Variants in SUGCT observed in about 807,000 individuals in gnomAD.
SUGCT encodes succinyl-CoA:glutarate-CoA transferase.
In SUGCT, 41 loss-of-function variants were observed where a neutral mutation model predicts 55.0. The ratio of observed to expected loss-of-function variants is 0.74; its 90% CI spans 0.58 to 0.97. The LOEUF (loss-of-function observed/expected upper bound fraction) is 0.97. Among genes scored for constraint, SUGCT ranks in the 50% least tolerant of loss-of-function variants. The pLI is 0.00. For missense variants in SUGCT, 568 were observed against 547.8 expected (o/e 1.04, Z -0.37); for synonymous variants, 187 against 200.4 (o/e 0.93, Z 0.56).
intron 12 of SUGCT, among the ~76,000 whole-genome samples, chr7:40,553,104 G>T (rs1345818717): frequency 6.6e-6 from 1 of 152,132 alleles, no homozygotes; most frequent in Non-Finnish European, 1.5e-5. Context: ...TATTTGGGCA[G>T]GTAATAATTA....
intron 9 of SUGCT, among the ~76,000 whole-genome samples, chr7:40,382,198 G>T (rs1278704311): frequency 2.0e-5 from 3 of 152,074 alleles, no homozygotes; most frequent in Non-Finnish European, 4.4e-5. Context: ...TTATGGGCAT[G>T]TGGCTTTTCT....
At chr7:40,215,161 G>A (rs1024314699) in intron 6 of SUGCT, among the ~76,000 whole-genome samples, 9 of 151,506 alleles carry the variant, frequency 5.9e-5, no homozygotes, top group African/African-American at 2.2e-4. Context: ...TTGTTTGTTT[G>A]AGACAAAGTC....
chr7:40,538,228 A>T (rs1794475498), intron 12 of SUGCT: 1 of 152,180 alleles, frequency 6.6e-6, no homozygotes, highest in African/African-American at 2.4e-5. Flanking sequence ...TCATCACTAC[A>T]GTAAAGGTAA....
chr7:40,832,404 A>G (rs1792721714), intron 13 of SUGCT, among the ~76,000 whole-genome samples: 1 of 152,116 alleles, frequency 6.6e-6, no homozygotes, highest in Non-Finnish European at 1.5e-5. Flanking sequence ...TAGTATTAAT[A>G]TTATACCAAG....
At chr7:40,662,549 T>C (rs1801384604) in intron 12 of SUGCT, among the ~76,000 whole-genome samples, 1 of 152,218 alleles carries the variant, frequency 6.6e-6, no homozygotes, top group African/African-American at 2.4e-5. Flanking sequence ...TTTTGGGACC[T>C]TGAACCTGCC....
chr7:40,698,254 C>T (rs1449652075), intron 12 of SUGCT, among the ~76,000 whole-genome samples: 3 of 152,204 alleles, frequency 2.0e-5, no homozygotes, highest in Non-Finnish European at 1.5e-5. Flanking sequence ...TCTCAGGTGG[C>T]CTCAATCCAG....
intron 5 of SUGCT, among the ~76,000 whole-genome samples, chr7:40,191,571 G>A (rs6954605): frequency 9.4e-4 from 143 of 152,108 alleles, no homozygotes; most frequent in African/African-American, 3.1e-3. Context: ...GCATAACTTA[G>A]GTTTGTTTCT....
chr7:40,149,959 G>A (rs1282772698), intron 1 of SUGCT, among the ~76,000 whole-genome samples: 1 of 152,072 alleles, frequency 6.6e-6, no homozygotes, highest in African/African-American at 2.4e-5. Context: ...AGGGTGTGCT[G>A]GTGTGTCCCT....
rs1252155153 is a variant in SUGCT at position 40,245,404 on chromosome 7, C to CACATATATATATATATATATAT, written c.576+7679_576+7680insCATATATATATATATATATATA. Among the ~76,000 whole-genome samples, 70 of 53,302 alleles carry CACATATATATATATATATATAT rather than the reference C, an allele frequency of 1.3e-3. 1 individual carries two copies. The highest frequency in any genetic ancestry group is 6.3e-3 in the African/African-American group (68 of 10,792). The allele number at this position is 53,302 out of a possible 152,430, so 35.0% of individuals were successfully genotyped here. ...TAAATTTTTATAGGTACGTAGTAGA[C>CACATATATATATATATATATAT]ATATATATATATATATATATTTTTT... On this transcript the variant is annotated intron_variant, in intron 7 of 13. Coordinates refer to ENST00000335693, the MANE Select transcript of SUGCT (RefSeq NM_001193313.2).
intron 9 of SUGCT, among the ~76,000 whole-genome samples, chr7:40,384,733 C>T (rs144246331): frequency 0.058 from 7,339 of 125,460 alleles, 274 homozygotes; most frequent in Middle Eastern, 0.087. Context: ...TTGGTAGAGA[C>T]GGGGTTTCAG....
At chr7:40,403,989 T>G (rs1583606785) in intron 9 of SUGCT, among the ~76,000 whole-genome samples, 1 of 152,322 alleles carries the variant, frequency 6.6e-6, no homozygotes, top group Non-Finnish European at 1.5e-5. Flanking sequence ...CTTTGGTGGG[T>G]TTCCTTTTCC....
At chr7:40,881,581 T>C in the SUGCT span, among the ~76,000 whole-genome samples, 1 of 152,248 alleles carries the variant, frequency 6.6e-6, no homozygotes, top group African/African-American at 2.4e-5. Flanking sequence ...TGGCCCCATA[T>C]CCTGATATAA....
At chr7:40,971,983 T>G in the SUGCT span, among the ~76,000 whole-genome samples, 1 of 152,200 alleles carries the variant, frequency 6.6e-6, no homozygotes, top group African/African-American at 2.4e-5. Context: ...TAAATAAAAC[T>G]CATTTATTAG....
At chr7:40,413,464 A>C (rs559226064) in intron 9 of SUGCT, among the ~76,000 whole-genome samples, 1 of 152,320 alleles carries the variant, frequency 6.6e-6, no homozygotes, top group Non-Finnish European at 1.5e-5. Context: ...TAAATGTTAA[A>C]AAAATCAAAC....
intron 12 of SUGCT, among the ~76,000 whole-genome samples, chr7:40,729,970 A>T (rs1049313083): frequency 6.6e-6 from 1 of 152,200 alleles, no homozygotes; most frequent in Non-Finnish European, 1.5e-5. Flanking sequence ...ATTATAAAAC[A>T]CTGTGCAAGC....
At chr7:40,789,233 G>T (rs1272036489) in intron 13 of SUGCT, among the ~76,000 whole-genome samples, 1 of 152,100 alleles carries the variant, frequency 6.6e-6, no homozygotes, top group Non-Finnish European at 1.5e-5. Flanking sequence ...TTGCATAATT[G>T]AAACTTTATG....
intron 12 of SUGCT, among the ~76,000 whole-genome samples, chr7:40,581,069 A>C (rs945905772): frequency 1.3e-5 from 2 of 152,240 alleles, no homozygotes; most frequent in African/African-American, 4.8e-5. Flanking sequence ...ATTTTACTTC[A>C]TTAAGCAGTA....
chr7:40,286,876 G>A (rs1169810190), intron 8 of SUGCT, among the ~76,000 whole-genome samples: 1 of 152,096 alleles, frequency 6.6e-6, no homozygotes, highest in African/African-American at 2.4e-5. Context: ...AGGACATTGG[G>A]CCAAGCCTGT....
chr7:40,404,379 C>G (rs1786245562), intron 9 of SUGCT, among the ~76,000 whole-genome samples: 1 of 151,704 alleles, frequency 6.6e-6, no homozygotes, highest in African/African-American at 2.4e-5. Flanking sequence ...ATGACATTCT[C>G]TAGTCTTTAT....
Sources: gnomAD v4.1 joint callset for allele counts (sites outside exome capture counted in the v4.1 genomes callset) on GRCh38, gnomAD v4.1.1 for gene constraint, MANE v1.5 for transcripts, NCBI Gene and HGNC (gene_info 2026-07-23, HGNC 2026-07-21) for gene names.